The following MARCHF7 variants were observed in gnomAD, a reference collection of about 807,000 sequenced individuals.
MARCHF7 encodes the protein E3 ubiquitin-protein ligase MARCHF7.
In MARCHF7, 20 loss-of-function variants were observed where a neutral mutation model predicts 76.5. The observed-to-expected ratio is 0.26, with a 90% CI of 0.18 to 0.38. MARCHF7 has a LOEUF of 0.38. MARCHF7 is among the 10% of genes least tolerant of loss of function. The pLI, the probability that MARCHF7 is intolerant of heterozygous loss-of-function variation, is 1.00. For synonymous variants in MARCHF7, 295 were observed against 293.0 expected (o/e 1.01, Z -0.07); for missense variants, 797 against 812.9 (o/e 0.98, Z 0.24).
At chr2:159,743,954 T>TG (rs1347324605) in intron 5 of MARCHF7, among the ~76,000 whole-genome samples, 4 of 140,196 alleles carry the variant, frequency 2.9e-5, no homozygotes, top group Non-Finnish European at 6.2e-5. Context: ...AAAAAAATGG[T>TG]GGTTATTTTA....
At chr2:159,755,204 A>G (rs895044932) in intron 8 of MARCHF7, among the ~76,000 whole-genome samples, 9 of 152,204 alleles carry the variant, frequency 5.9e-5, no homozygotes, top group African/African-American at 2.2e-4. Flanking sequence ...TAAGTAGGCT[A>G]AAATAAGAAT....
intron 3 of MARCHF7, among the ~76,000 whole-genome samples, chr2:159,721,150 C>T (rs934572757): frequency 4.6e-5 from 7 of 152,044 alleles, no homozygotes; most frequent in Non-Finnish European, 1.0e-4. Context: ...CAGGCATGAG[C>T]CACCACACTG....
chr2:159,755,392 A>T (rs1706170393), intron 8 of MARCHF7, among the ~76,000 whole-genome samples: 1 of 152,140 alleles, frequency 6.6e-6, no homozygotes, highest in African/African-American at 2.4e-5. Context: ...ACAACCAAGG[A>T]TTTAGTTGGC....
chr2:159,723,803 CCTTTT>C (rs778720755), intron 3 of MARCHF7, among the ~76,000 whole-genome samples: 2 of 151,986 alleles, frequency 1.3e-5, no homozygotes, highest in Non-Finnish European at 2.9e-5. Flanking sequence ...TTTAAAATTG[CCTTTT>C]CTTCTATATA....
intron 7 of MARCHF7, among the ~76,000 whole-genome samples, chr2:159,751,721 A>C (rs1705671901): frequency 6.6e-6 from 1 of 152,194 alleles, no homozygotes; most frequent in Non-Finnish European, 1.5e-5. Flanking sequence ...ATTATATAAA[A>C]CTATTACTCT....
intron 4 of MARCHF7, among the ~76,000 whole-genome samples, chr2:159,742,331 T>A (rs1704227103): frequency 6.6e-6 from 1 of 152,054 alleles, no homozygotes; most frequent in South Asian, 2.1e-4. Context: ...AAGGATAAAT[T>A]TGTTATTAGT....
At chr2:159,732,780 C>T (rs1211801163) in intron 4 of MARCHF7, 1 of 923,704 alleles carries the variant, frequency 1.1e-6, no homozygotes, top group African/African-American at 1.8e-5. Context: ...AGTACTCCCA[C>T]CTCAGCCTCC....
intron 9 of MARCHF7, among the ~76,000 whole-genome samples, chr2:159,761,406 C>CCTTTTT (rs1707062833): frequency 1.4e-5 from 1 of 73,778 alleles, no homozygotes; most frequent in Non-Finnish European, 2.4e-5. Context: ...TGAATCATTT[C>CCTTTTT]TTTTTTTTTT....
chr2:159,770,510 T>TATC lies in MARCHF7; in HGVS notation c.*3169_*3171dup, dbSNP rs956867520. The TATC allele has an allele frequency of 4.0e-5, 6 of 151,556 alleles. No homozygotes were observed. Among genetic ancestry groups the TATC allele is most frequent in the African/African-American group, 7.2e-5 (3 of 41,384 alleles). 9.4% of individuals were successfully genotyped at this position (151,556 alleles called of 1,614,324 possible). On this transcript the variant is annotated 3_prime_UTR_variant, in exon 12 of 12. Transcript: ENST00000409175. ...CATTAGTCAAGCTAGTGAGATAGTA[T>TATC]ATCTATCTATCTCCCCAGAAGAAAG...
In MARCHF7 at chr2:159,762,922, T is replaced by G. The variant is rs761374690; in HGVS notation, c.1936T>G (p.Leu646Val). ...CAGCTCTGGTCTCTACCTAGTGGTGTTATTGCACTTGTGCGAACAAAGCTT... is the reference window on the plus strand; with the variant it reads ...CAGCTCTGGTCTCTACCTAGTGGTGGTATTGCACTTGTGCGAACAAAGCTT... The part of the protein sequence containing the change: ...FISSGLYLVV[L>V]LHLCEQSFSD... Residue 646 changes from leucine to valine, a missense_variant, in exon 10 of 12, where the codon TTA (leucine) becomes GTA (valine). Physicochemically the swap from Leu to Val is conservative, Grantham distance 32. Around this residue, in one of 3 missense-constraint regions of MARCHF7, gnomAD observed 124 missense variants for 121.3 expected, o/e 1.02. Transcript: ENST00000409175. 4 of 1,613,222 alleles carry G rather than the reference T, an allele frequency of 2.5e-6. No homozygotes were observed. Among genetic ancestry groups the G allele is most frequent in the East Asian group, 2.2e-5 (1 of 44,778 alleles).
At chr2:159,720,751 C>T (rs1701545776) in intron 3 of MARCHF7, among the ~76,000 whole-genome samples, 1 of 152,180 alleles carries the variant, frequency 6.6e-6, no homozygotes, top group Non-Finnish European at 1.5e-5. Context: ...TAAATTGGGA[C>T]CACCTTAAAC....
At position 159,767,347 on chromosome 2, in the gene MARCHF7, A is replaced by T. The variant is rs1560033586; in HGVS notation, c.*5A>T. On this transcript the variant is annotated 3_prime_UTR_variant, in exon 12 of 12. Transcript: ENST00000409175. ...AGGACATTTGATATTGCCTAACTTC[A>T]TATAAGACAGATGGATGATCTGTGA... The T allele has an allele frequency of 6.2e-7, 1 of 1,601,468 alleles. No individual in the cohort carries two copies. The highest frequency in any genetic ancestry group is 1.1e-5 in the South Asian group (1 of 90,718).
chr2:159,750,342 T>C (rs898762307), intron 7 of MARCHF7, among the ~76,000 whole-genome samples: 1 of 152,188 alleles, frequency 6.6e-6, no homozygotes, highest in African/African-American at 2.4e-5. Flanking sequence ...CTGGCTAACA[T>C]GCTGAAACCC....
At chr2:159,744,563 A>G (rs17227986) in intron 5 of MARCHF7, among the ~76,000 whole-genome samples, 48,565 of 152,154 alleles carry the variant, frequency 0.32, 9,728 homozygotes, top group Admixed American at 0.48. Flanking sequence ...TGGTGACACA[A>G]TTGGAGGTAA....
chr2:159,751,748 C>T (rs942063342), intron 7 of MARCHF7, among the ~76,000 whole-genome samples: 17 of 152,166 alleles, frequency 1.1e-4, no homozygotes, highest in Non-Finnish European at 2.2e-4. Context: ...ATATATTAAG[C>T]AGTACACAAT....
chr2:159,757,332 T>G (rs1706454487), intron 8 of MARCHF7, among the ~76,000 whole-genome samples: 1 of 152,232 alleles, frequency 6.6e-6, no homozygotes, highest in Admixed American at 6.5e-5. Context: ...TCCCATCTGG[T>G]AGAAGGTTCA....
intron 5 of MARCHF7, among the ~76,000 whole-genome samples, chr2:159,745,251 ATGTT>A (rs1253174800): frequency 6.6e-6 from 1 of 152,228 alleles, no homozygotes; most frequent in African/African-American, 2.4e-5. Flanking sequence ...AGAGAAGAAT[ATGTT>A]TAGAGTAGGA....
chr2:159,743,064 ACATCAG>A lies in MARCHF7; in HGVS notation c.168_173del (p.Ala59_Ser60del), dbSNP rs1560010146. The stretch of plus-strand genomic sequence containing the variant: ...AAAAATTTTTTTGAACTCACAGTCT[ACATCAG>A]CATCAGCATCTGCGTCACCATTTCA... On this transcript the variant is annotated inframe_deletion, in exon 5 of 12. Coordinates refer to ENST00000409175, the MANE Select transcript of MARCHF7 (RefSeq NM_001282805.2). 19 of 1,613,032 alleles carry A rather than the reference ACATCAG, an allele frequency of 1.2e-5. No individual in the cohort carries two copies. The highest frequency in any genetic ancestry group is 2.2e-5 in the East Asian group (1 of 44,868).
intron 8 of MARCHF7, among the ~76,000 whole-genome samples, chr2:159,757,974 T>C (rs1209432548): frequency 6.6e-6 from 1 of 152,214 alleles, no homozygotes; most frequent in Non-Finnish European, 1.5e-5. Flanking sequence ...TTGGACCTTA[T>C]GCCAAATTTT....
Sources: allele counts gnomAD v4.1 joint callset (sites outside exome capture counted in the v4.1 genomes callset), GRCh38; gene constraint gnomAD v4.1.1; regional missense constraint gnomAD v4.1.1; transcripts MANE v1.5; gene names NCBI Gene and HGNC (gene_info 2026-07-23, HGNC 2026-07-21).